ROBO2: variants seen among roughly 807,000 people sequenced by gnomAD.
ROBO2 encodes roundabout guidance receptor 2.
In ROBO2, 53 loss-of-function variants were observed where a neutral mutation model predicts 160.8. The ratio of observed to expected loss-of-function variants is 0.33; its 90% CI spans 0.26 to 0.41. The LOEUF (loss-of-function observed/expected upper bound fraction) is 0.41, where lower values mean the gene tolerates loss of function less well. Among genes scored for constraint, ROBO2 ranks in the 10% least tolerant of loss-of-function variants. ROBO2 has a pLI of 1.00. For missense variants in ROBO2, 1,577 were observed against 1,722.4 expected (o/e 0.92, Z 1.49); for synonymous variants, 664 against 611.7 (o/e 1.09, Z -1.26).
intron 2 of ROBO2, among the ~76,000 whole-genome samples, chr3:77,113,092 C>G (rs1005387009): frequency 6.6e-6 from 1 of 152,172 alleles, no homozygotes; most frequent in Non-Finnish European, 1.5e-5. Context: ...CCCGTTTGTG[C>G]ATACGTCTTG....
At chr3:76,714,372 G>T (rs2093347275) in intron 2 of ROBO2, among the ~76,000 whole-genome samples, 1 of 152,094 alleles carries the variant, frequency 6.6e-6, no homozygotes, top group African/African-American at 2.4e-5. Context: ...TGGGATCTGT[G>T]TTTAAAAGTA....
intron 2 of ROBO2, among the ~76,000 whole-genome samples, chr3:76,418,766 T>C (rs1441702607): frequency 6.6e-6 from 1 of 152,194 alleles, no homozygotes; most frequent in Non-Finnish European, 1.5e-5. Flanking sequence ...GTGTACTCTT[T>C]ACAGTCACAT....
At chr3:76,038,788 G>A (rs76040200) in intron 2 of ROBO2, among the ~76,000 whole-genome samples, 17 of 46,040 alleles carry the variant, frequency 3.7e-4, no homozygotes, top group Admixed American at 5.9e-4. Context: ...GTGTGTGTGT[G>A]TGTATGTATG....
At chr3:76,005,095 C>T (rs77354089) in intron 2 of ROBO2, among the ~76,000 whole-genome samples, 6 of 152,194 alleles carry the variant, frequency 3.9e-5, no homozygotes, top group South Asian at 2.1e-4. Context: ...CCTCACCAGA[C>T]GCTTGCCTTT....
In ROBO2 at chr3:77,509,089, A is replaced by G. The variant is rs550244709; in HGVS notation, c.807-13686A>G. On this transcript the variant is annotated intron_variant, in intron 5 of 25. Transcript: ENST00000461745. Reference sequence around the variant, plus strand: ...TCTGGTTTACATATTATCTTCAACAAAGAACATCAATTTTAGAAAAGTGAC... The same window carrying G: ...TCTGGTTTACATATTATCTTCAACAGAGAACATCAATTTTAGAAAAGTGAC... 2.8e-4 allele frequency among the ~76,000 whole-genome samples: 43 copies of G among 152,206 alleles called. 1 individual carries two copies. In the South Asian group the frequency reaches 4.6e-3, roughly 16 times the overall value.
At chr3:77,148,552 C>G (rs2077296975) in intron 2 of ROBO2, among the ~76,000 whole-genome samples, 1 of 152,296 alleles carries the variant, frequency 6.6e-6, no homozygotes, top group East Asian at 1.9e-4. Flanking sequence ...TTCTCATGTT[C>G]CCATTCCTTA....
At chr3:76,983,241 A>T (rs6780372) in intron 2 of ROBO2, among the ~76,000 whole-genome samples, 4,847 of 152,126 alleles carry the variant, frequency 0.032, 256 homozygotes, top group African/African-American at 0.11. Flanking sequence ...GAGCCAAGAT[A>T]GCGCCACTGC....
intron 2 of ROBO2, among the ~76,000 whole-genome samples, chr3:76,653,132 T>C (rs116461329): frequency 6.6e-6 from 1 of 152,134 alleles, no homozygotes; most frequent in Non-Finnish European, 1.5e-5. Flanking sequence ...AACACACACA[T>C]CCTACCATCT....
chr3:77,574,238 G>C (rs2093706694), intron 13 of ROBO2, among the ~76,000 whole-genome samples: 1 of 151,928 alleles, frequency 6.6e-6, no homozygotes, highest in Non-Finnish European at 1.5e-5. Flanking sequence ...TAATTAATTA[G>C]GTTGGTATCT....
In ROBO2 at chr3:76,327,029, T is replaced by C. The variant is rs185352506; in HGVS notation, c.109+389427T>C. 7.3e-3 allele frequency among the ~76,000 whole-genome samples: 1,112 copies of C among 152,260 alleles called. 9 individuals are homozygous for C. Among genetic ancestry groups the C allele is most frequent in the South Asian group, 0.018 (86 of 4,826 alleles). ...TAGATTATGTCCAATGTTATGAATA[T>C]CTTTGAGTATAAATCTGATTATTCC... is the stretch of plus-strand genomic sequence containing the variant. On this transcript the variant is annotated intron_variant, in intron 2 of 26. Transcript: ENST00000487694.
chr3:76,633,681 G>T (rs925068436), intron 2 of ROBO2, among the ~76,000 whole-genome samples: 13 of 152,148 alleles, frequency 8.5e-5, no homozygotes, highest in Non-Finnish European at 1.6e-4. Flanking sequence ...AATAGTCTAC[G>T]CCAGGCATGT....
intron 2 of ROBO2, among the ~76,000 whole-genome samples, chr3:76,860,552 C>G (rs1249492257): frequency 6.6e-6 from 1 of 151,990 alleles, no homozygotes; most frequent in Non-Finnish European, 1.5e-5. Flanking sequence ...TTCAGGTTTT[C>G]TTTTTTGCAC....
At chr3:77,326,357 T>C (rs947106051) in intron 2 of ROBO2, among the ~76,000 whole-genome samples, 2 of 152,198 alleles carry the variant, frequency 1.3e-5, no homozygotes, top group African/African-American at 4.8e-5. Flanking sequence ...ACTTATCAAA[T>C]TTATGAATTG....
At chr3:76,941,707 C>T (rs2078200036) in intron 2 of ROBO2, among the ~76,000 whole-genome samples, 1 of 152,124 alleles carries the variant, frequency 6.6e-6, no homozygotes, top group Non-Finnish European at 1.5e-5. Context: ...AAACACTTAT[C>T]TCTTTGGGAT....
chr3:76,659,628 A>C (rs2091734048), intron 2 of ROBO2, among the ~76,000 whole-genome samples: 4 of 152,144 alleles, frequency 2.6e-5, no homozygotes, highest in Admixed American at 2.6e-4. Context: ...GATGTTTTAA[A>C]AGGAAGCCTA....
At chr3:77,095,534 G>C (rs2070925360) in intron 1 of ROBO2, among the ~76,000 whole-genome samples, 1 of 152,054 alleles carries the variant, frequency 6.6e-6, no homozygotes, top group African/African-American at 2.4e-5. Flanking sequence ...GAACAGTTTT[G>C]CAGTAGGGAG....
At chr3:77,102,835 T>G (rs2150113343) in intron 2 of ROBO2, among the ~76,000 whole-genome samples, 1 of 140,692 alleles carries the variant, frequency 7.1e-6, no homozygotes, top group Non-Finnish European at 1.6e-5. Flanking sequence ...TGCTTTTATT[T>G]TTTTCTTAGT....
At chr3:76,005,107 C>T (rs1576450103) in intron 2 of ROBO2, among the ~76,000 whole-genome samples, 1 of 152,340 alleles carries the variant, frequency 6.6e-6, no homozygotes, top group East Asian at 1.9e-4. Flanking sequence ...CTTGCCTTTG[C>T]ATCTTGGATT....
Position 77,236,468 on chromosome 3 carries a change from A to G in ROBO2, c.388+138128A>G, listed in dbSNP as rs138348425. Among the ~76,000 whole-genome samples, 525 of 152,302 alleles carry G rather than the reference A, an allele frequency of 3.4e-3. 4 individuals carry two copies. Among genetic ancestry groups the G allele is most frequent in the Non-Finnish European group, 5.9e-3 (403 of 68,020 alleles). On this transcript the variant is annotated intron_variant, in intron 2 of 25. Coordinates refer to ENST00000461745, the Ensembl canonical transcript of ROBO2. ...GCATGTCCAACTCTCGCTTCCCATC[A>G]TGGCCTGAGCCAGTTTTTCAGGGTA...
Sources: allele counts gnomAD v4.1 joint callset (sites outside exome capture counted in the v4.1 genomes callset), GRCh38; gene constraint gnomAD v4.1.1; transcripts MANE v1.5; gene names NCBI Gene and HGNC (gene_info 2026-07-23, HGNC 2026-07-21).